The following ACTN1 variants were observed in gnomAD, a reference collection of about 807,000 sequenced individuals.
The protein encoded by ACTN1 is alpha-actinin-1.
In ACTN1, 30 loss-of-function variants were observed where a neutral mutation model predicts 119.6. That is an observed-to-expected ratio of 0.25 (90% CI 0.19 to 0.34). The LOEUF (loss-of-function observed/expected upper bound fraction) is 0.34. Among genes scored for constraint, ACTN1 ranks in the 10% least tolerant of loss-of-function variants. The pLI is 1.00. For missense variants in ACTN1, 764 were observed against 1,223.4 expected (o/e 0.62, Z 5.60); for synonymous variants, 429 against 472.6 (o/e 0.91, Z 1.20).
chr14:68,884,788 C>T lies in ACTN1; in HGVS notation c.1481G>A (p.Arg494Lys). The T allele has an allele frequency of 6.2e-7, 1 of 1,613,858 alleles. No homozygotes were observed. Among genetic ancestry groups the T allele is most frequent in the Non-Finnish European group, 8.5e-7 (1 of 1,179,684 alleles). ...DNLGALTQKR[R>K]EALERTEKLL... is the part of the protein sequence containing the mutation. ...GGGACCTCTCACCTCCAGAGCTTCCCTTCGCTTCTGAGTTAGGGCCCCCAG... is the reference window on the plus strand; with the variant it reads ...GGGACCTCTCACCTCCAGAGCTTCCTTTCGCTTCTGAGTTAGGGCCCCCAG... Residue 494 changes from arginine (R) to lysine (K), a missense_variant, in exon 13 of 22, where the codon AGG (arginine) becomes AAG (lysine). By Grantham distance (26) the Arg-to-Lys change is conservative. This residue lies in a region of ACTN1 where 544 missense variants were observed against 912.0 expected (regional missense o/e 0.60). Coordinates refer to ENST00000394419, the MANE Select transcript of ACTN1 (RefSeq NM_001130004.2).
intron 3 of ACTN1, among the ~76,000 whole-genome samples, chr14:68,918,712 A>G (rs1259763402): frequency 6.6e-5 from 10 of 151,690 alleles, no homozygotes; most frequent in South Asian, 2.1e-4. Context: ...TGGCTAGCAC[A>G]GTGAAATCCC....
At chr14:68,898,892 CCCACACACT>C (rs1398771121) in intron 8 of ACTN1, among the ~76,000 whole-genome samples, 5 of 151,646 alleles carry the variant, frequency 3.3e-5, no homozygotes, top group African/African-American at 1.2e-4. Flanking sequence ...CCATCCACAT[CCCACACACT>C]CCACACACCC....
intron 1 of ACTN1, among the ~76,000 whole-genome samples, chr14:68,961,856 T>C (rs1424347178): frequency 6.6e-6 from 1 of 151,966 alleles, no homozygotes; most frequent in African/African-American, 2.4e-5. Flanking sequence ...CAGAAGCCAC[T>C]CCCCACGGGA....
chr14:68,949,682 G>A (rs547719686), intron 1 of ACTN1, among the ~76,000 whole-genome samples: 3 of 152,252 alleles, frequency 2.0e-5, no homozygotes, highest in South Asian at 2.1e-4. Flanking sequence ...TGTTCACAAC[G>A]GCCAAAAGGG....
intron 9 of ACTN1, 48 bp from the exon 10 acceptor site, chr14:68,892,331 A>G (rs758179738): frequency 8.3e-6 from 13 of 1,569,916 alleles, no homozygotes; most frequent in Non-Finnish European, 1.0e-5. Flanking sequence ...GCGGGGAGGG[A>G]GTGTGCTAGG....
rs1308750936 is a variant in ACTN1, at chr14:68,885,821, C to T, written c.1235-246G>A. On this transcript the variant is annotated intron_variant, in intron 11 of 21. Transcript: ENST00000394419. This position sits in a 1 kb window ranked among gnomAD's most constrained non-coding sequence, Gnocchi z 5.6. The stretch of plus-strand genomic sequence containing the variant: ...CCATGAAAGTGTCTACGCAGGAAGG[C>T]TATGCAGGAGTCTGTGGGAATGCAT... 7 of 514,498 alleles carry T rather than the reference C, an allele frequency of 1.4e-5. No homozygotes were observed. Among genetic ancestry groups the T allele is most frequent in the Non-Finnish European group, 2.5e-5 (7 of 283,842 alleles). 31.9% of individuals were successfully genotyped at this position (514,498 alleles called of 1,614,324 possible).
At chr14:68,901,217 G>GT (rs369274446) in intron 8 of ACTN1, among the ~76,000 whole-genome samples, 12,950 of 121,588 alleles carry the variant, frequency 0.11, 681 homozygotes, top group Non-Finnish European at 0.12. Flanking sequence ...GTTTTTTTTT[G>GT]TTTTTTTTTT....
At chr14:68,893,881 G>A (rs2032693455) in intron 8 of ACTN1, 134 bp from the exon 9 acceptor site, 6 of 762,780 alleles carry the variant, frequency 7.9e-6, no homozygotes, top group Non-Finnish European at 1.1e-5. Flanking sequence ...AGGCTGTGAG[G>A]TCACATTCCT....
chr14:68,877,322 C>G, intron 20 of ACTN1, 82 bp from the exon 21 acceptor site: 1 of 1,548,966 alleles, frequency 6.5e-7, no homozygotes, highest in East Asian at 2.3e-5. Context: ...CCTGGGGGCT[C>G]AGAGCAGCCT....
chr14:68,889,053 G>A (rs753971120), intron 11 of ACTN1, among the ~76,000 whole-genome samples: 11 of 152,162 alleles, frequency 7.2e-5, no homozygotes, highest in South Asian at 2.1e-4. Flanking sequence ...ATTGAGCTCC[G>A]CCGGCCAATA....
rs771654479 is a variant in ACTN1 at position 68,909,298 on chromosome 14, G to A, written c.594+20C>T. ...CACCTGCCAGGGACCCAAAGCGGGT[G>A]GTCAGGTGGGCACACATACCTTCCG... On this transcript the variant is annotated intron_variant, in intron 6 of 21. Coordinates refer to ENST00000394419, the MANE Select transcript of ACTN1 (RefSeq NM_001130004.2). This position sits in a 1 kb window ranked among gnomAD's most constrained non-coding sequence, Gnocchi z 4.1. 2.5e-6 allele frequency: 4 copies of A among 1,612,782 alleles called. No individual in the cohort carries two copies. In the Admixed American group the frequency reaches 6.7e-5, roughly 27 times the overall value.
At chr14:68,927,505 G>A (rs1013331629) in intron 1 of ACTN1, among the ~76,000 whole-genome samples, 2 of 152,252 alleles carry the variant, frequency 1.3e-5, no homozygotes, top group African/African-American at 4.8e-5. Context: ...TGGGCAGCCA[G>A]GTGAAGGAAC....
chr14:68,947,714 T>A (rs1326035228), intron 1 of ACTN1, among the ~76,000 whole-genome samples: 1 of 152,188 alleles, frequency 6.6e-6, no homozygotes, highest in Non-Finnish European at 1.5e-5. Context: ...TCCTACTGCA[T>A]GGAAAGAGAA....
At chr14:68,876,012 T>C (rs2030850304) in intron 21 of ACTN1, among the ~76,000 whole-genome samples, 1 of 152,240 alleles carries the variant, frequency 6.6e-6, no homozygotes, top group South Asian at 2.1e-4. Context: ...TAAGGTTTTT[T>C]TTAAGACGGA....
chr14:68,921,139 G>A lies in ACTN1; in HGVS notation c.221-14C>T. ...CCAAGCGTTCACCTGTTTGGATCAAGAGGGAGGAAGAGGAAGGTGAGACGC... is the reference window on the plus strand; with the variant it reads ...CCAAGCGTTCACCTGTTTGGATCAAAAGGGAGGAAGAGGAAGGTGAGACGC... On this transcript the variant is annotated splice_polypyrimidine_tract_variant and intron_variant, in intron 2 of 21. Transcript: ENST00000394419. 1 of 1,613,706 alleles carries A rather than the reference G, an allele frequency of 6.2e-7. No individual in the cohort carries two copies. Among genetic ancestry groups the A allele is most frequent in the Non-Finnish European group, 8.5e-7 (1 of 1,179,758 alleles).
At chr14:68,929,737 C>G (rs944837747) in intron 1 of ACTN1, among the ~76,000 whole-genome samples, 1 of 152,190 alleles carries the variant, frequency 6.6e-6, no homozygotes, top group Non-Finnish European at 1.5e-5. Context: ...CTCCACCTGC[C>G]CCGGCCCTGC....
chr14:68,909,451 G>A lies in ACTN1; in HGVS notation c.516-55C>T, dbSNP rs2033869305. On this transcript the variant is annotated intron_variant, in intron 5 of 21. Transcript: ENST00000394419. The surrounding 1 kb of genome is among the most constrained non-coding windows in gnomAD (Gnocchi z 4.1). Reference sequence around the variant, plus strand: ...CTGGTAAATGAGGCTGAACAAACGGGCAACCAGGGCAAAGCAGGGGCCTCC... The same window carrying A: ...CTGGTAAATGAGGCTGAACAAACGGACAACCAGGGCAAAGCAGGGGCCTCC... 6.4e-6 allele frequency: 10 copies of A among 1,563,786 alleles called. No individual in the cohort carries two copies. Among genetic ancestry groups the A allele is most frequent in the Admixed American group, 1.7e-5 (1 of 58,582 alleles).
chr14:68,885,460 A>G lies in ACTN1; in HGVS notation c.1350T>C (p.Arg450=). The G allele has an allele frequency of 6.2e-7, 1 of 1,613,328 alleles. No individual in the cohort carries two copies. The highest frequency in any genetic ancestry group is 8.5e-7 in the Non-Finnish European group (1 of 1,179,790). Reference sequence around the variant, plus strand: ...GTGCGATGGCGGCAATCTGCTCCACACGGTCCTGGTGGGCAGCCAGGTCAC... The same window carrying G: ...GTGCGATGGCGGCAATCTGCTCCACGCGGTCCTGGTGGGCAGCCAGGTCAC... ...FESDLAAHQD[R]VEQIAAIAQE... Residue 450 remains arginine, a synonymous_variant, in exon 12 of 22, where the codon CGT becomes CGC. Coordinates refer to ENST00000394419, the MANE Select transcript of ACTN1 (RefSeq NM_001130004.2). The surrounding 1 kb of genome is among the most constrained non-coding windows in gnomAD (Gnocchi z 5.6).
chr14:68,956,919 C>T (rs116285876), intron 1 of ACTN1, among the ~76,000 whole-genome samples: 3,637 of 152,120 alleles, frequency 0.024, 157 homozygotes, highest in African/African-American at 0.083. Context: ...CAGAACAAAT[C>T]AATCCCAGCC....
Sources: allele counts gnomAD v4.1 joint callset (sites outside exome capture counted in the v4.1 genomes callset), GRCh38; gene constraint gnomAD v4.1.1; regional missense constraint gnomAD v4.1.1; non-coding constraint Gnocchi (gnomAD v3.1); transcripts MANE v1.5; gene names NCBI Gene and HGNC (gene_info 2026-07-23, HGNC 2026-07-21).